Variants in SCUBE1 observed in about 807,000 individuals in gnomAD.
SCUBE1 encodes signal peptide, CUB domain and EGF like domain containing 1, also known as signal peptide, CUB and EGF-like domain-containing protein 1.
Under a neutral mutation model 124.4 loss-of-function variants are expected in SCUBE1, and 59 were observed. The observed-to-expected ratio is 0.47, with a 90% CI of 0.38 to 0.59. The LOEUF (loss-of-function observed/expected upper bound fraction) is 0.59, where lower values mean the gene tolerates loss of function less well. Among genes scored for constraint, SCUBE1 ranks in the 20% least tolerant of loss-of-function variants. SCUBE1 has a pLI of 0.00. For missense variants in SCUBE1, 1,150 were observed against 1,371.2 expected (o/e 0.84, Z 2.55); for synonymous variants, 545 against 550.9 (o/e 0.99, Z 0.15).
intron 4 of SCUBE1, chr22:43,283,271 G>A (rs2146742157): frequency 6.6e-6 from 1 of 152,336 alleles, no homozygotes; most frequent in Admixed American, 6.5e-5. Context: ...AGACAGCCGT[G>A]GGAGAGGGTC....
intron 3 of SCUBE1, among the ~76,000 whole-genome samples, chr22:43,308,085 C>T (rs536886393): frequency 1.4e-4 from 21 of 152,206 alleles, no homozygotes; most frequent in African/African-American, 4.6e-4. Flanking sequence ...ACCAGTCTGC[C>T]TCCCTACACC....
chr22:43,312,755 C>T (rs1427469506), intron 3 of SCUBE1, among the ~76,000 whole-genome samples: 1 of 152,212 alleles, frequency 6.6e-6, no homozygotes, highest in Admixed American at 6.5e-5. Context: ...CTTCAGCACA[C>T]TCCCTGCCTG....
intron 6 of SCUBE1, among the ~76,000 whole-genome samples, chr22:43,253,988 T>C (rs1008333022): frequency 2.0e-5 from 3 of 152,186 alleles, no homozygotes; most frequent in Non-Finnish European, 4.4e-5. Flanking sequence ...AGAAAGTCCA[T>C]AGCACTGACT....
rs780504527 is a variant in SCUBE1, at chr22:43,320,069, C to T, written c.221-4G>A. The T allele has an allele frequency of 4.3e-6, 7 of 1,613,766 alleles. No homozygotes were observed. Among genetic ancestry groups the T allele is most frequent in the Non-Finnish European group, 5.9e-6 (7 of 1,179,772 alleles). ...TCATTCTCACACTCGTCAATGTCTG[C>T]AAAAGGAAGGGCATGAGAGGTGTCA... On this transcript the variant is annotated splice_polypyrimidine_tract_variant and splice_region_variant and intron_variant, in intron 2 of 21. Coordinates refer to ENST00000360835, the MANE Select transcript of SCUBE1 (RefSeq NM_173050.5).
At chr22:43,324,065 G>A (rs958776548) in intron 2 of SCUBE1, among the ~76,000 whole-genome samples, 92 of 152,172 alleles carry the variant, frequency 6.0e-4, no homozygotes, top group African/African-American at 2.1e-3. Flanking sequence ...TCTGAGAAAC[G>A]TCAGACCTCC....
At chr22:43,238,790 G>C (rs746562678) in intron 7 of SCUBE1, 48 bp downstream of exon 7, 1 of 1,481,502 alleles carries the variant, frequency 6.7e-7, no homozygotes, top group Non-Finnish European at 9.4e-7. Flanking sequence ...GGAGGCTCTT[G>C]GCCAGGCCAG....
At position 43,254,371 on chromosome 22, in the gene SCUBE1, T is replaced by TC. The variant is rs1278262162; in HGVS notation, c.727+3847dup. The stretch of plus-strand genomic sequence containing the variant: ...CTCCTCAGCAGCACACAAGGCCATA[T>TC]CCCCTGTGGCCCTGGACCTCCCTCC... On this transcript the variant is annotated intron_variant, in intron 6 of 21. Coordinates refer to ENST00000360835, the MANE Select transcript of SCUBE1 (RefSeq NM_173050.5). Among the ~76,000 whole-genome samples, 9 of 152,234 alleles carry TC rather than the reference T, an allele frequency of 5.9e-5. No individual in the cohort carries two copies. The East Asian group carries it at 1.7e-3, about 29-fold the overall frequency.
chr22:43,287,977 T>C (rs1443260233), intron 4 of SCUBE1, among the ~76,000 whole-genome samples: 1 of 152,236 alleles, frequency 6.6e-6, no homozygotes, highest in East Asian at 1.9e-4. Flanking sequence ...GTGCTTGCTC[T>C]GCCCTCTTCA....
intron 1 of SCUBE1, among the ~76,000 whole-genome samples, chr22:43,340,684 C>G (rs1001328048): frequency 1.3e-5 from 2 of 152,094 alleles, no homozygotes; most frequent in African/African-American, 4.8e-5. Context: ...CTCACTGGGG[C>G]TGAGACTGGA....
intron 4 of SCUBE1, among the ~76,000 whole-genome samples, chr22:43,286,053 T>G (rs955578290): frequency 1.3e-5 from 2 of 152,180 alleles, no homozygotes; most frequent in South Asian, 4.1e-4. Context: ...TCCAAGAGCT[T>G]CCAGGTCCTG....
intron 2 of SCUBE1, among the ~76,000 whole-genome samples, chr22:43,328,513 G>A (rs1399699564): frequency 6.6e-6 from 1 of 152,218 alleles, no homozygotes; most frequent in Admixed American, 6.5e-5. Context: ...GAAGTTGCCT[G>A]AAAACCTGGG....
In SCUBE1 at chr22:43,326,704, G is replaced by C. The variant is rs144509142; in HGVS notation, c.221-6639C>G. On this transcript the variant is annotated intron_variant, in intron 2 of 21. Coordinates refer to ENST00000360835, the MANE Select transcript of SCUBE1 (RefSeq NM_173050.5). ...CCATGGCTCAGCCAGAGGGTGGGAAGGTTCCCTCCCCTTTCCCACTCTGTG... is the reference window on the plus strand; with the variant it reads ...CCATGGCTCAGCCAGAGGGTGGGAACGTTCCCTCCCCTTTCCCACTCTGTG... Among the ~76,000 whole-genome samples the C allele has an allele frequency of 5.8e-3, 887 of 152,202 alleles. 5 individuals carry two copies. Among genetic ancestry groups the C allele is most frequent in the African/African-American group, 0.021 (858 of 41,530 alleles).
chr22:43,199,380 G>C lies in SCUBE1; in HGVS notation c.*4617C>G, dbSNP rs1404598980. 6.6e-6 allele frequency: 1 copy of C among 151,858 alleles called. No homozygotes were observed. The highest frequency in any genetic ancestry group is 1.5e-5 in the Non-Finnish European group (1 of 68,402). 9.4% of individuals were successfully genotyped at this position (151,858 alleles called of 1,614,324 possible). A position where few individuals can be genotyped will look rare whatever the true frequency, so the allele number is the denominator to read the frequency against. On this transcript the variant is annotated 3_prime_UTR_variant, in exon 22 of 22. Transcript: ENST00000360835. ...TGCGGATGGTGCGTCTCTTAAGAAC[G>C]AGCGTGCATGAAAAGGGGGGCCATT... is the stretch of plus-strand genomic sequence containing the variant.
rs3985926 is a variant in SCUBE1, at chr22:43,292,556, AACACACACACACAC to A, written c.350-1390_350-1377del. 4.5e-4 allele frequency among the ~76,000 whole-genome samples: 63 copies of A among 139,678 alleles called. 1 individual carries two copies. The highest frequency in any genetic ancestry group is 1.7e-3 in the African/African-American group (61 of 36,768). 91.6% of individuals were successfully genotyped at this position (139,678 alleles called of 152,430 possible). A position where few individuals can be genotyped will look rare whatever the true frequency, so the allele number is the denominator to read the frequency against. ...TGCTTCTAGCCAATCCCCGGTCCCT[AACACACACACACAC>A]ACACACACACACACACACACACACA... On this transcript the variant is annotated intron_variant, in intron 3 of 21. Transcript: ENST00000360835.
At chr22:43,294,568 A>C (rs1192845050) in intron 3 of SCUBE1, among the ~76,000 whole-genome samples, 1 of 152,196 alleles carries the variant, frequency 6.6e-6, no homozygotes, top group Non-Finnish European at 1.5e-5. Context: ...TCCTCATGGA[A>C]AAGGGGAACC....
At chr22:43,271,851 CTTTG>C (rs1924306151) in intron 4 of SCUBE1, among the ~76,000 whole-genome samples, 1 of 152,176 alleles carries the variant, frequency 6.6e-6, no homozygotes, top group African/African-American at 2.4e-5. Flanking sequence ...ACAGTGGGCT[CTTTG>C]CAAACATTCC....
chr22:43,292,808 A>G (rs1925416001), intron 3 of SCUBE1, among the ~76,000 whole-genome samples: 1 of 152,208 alleles, frequency 6.6e-6, no homozygotes, highest in African/African-American at 2.4e-5. Context: ...TTTGAGGCCG[A>G]CAGCGAGGCC....
intron 6 of SCUBE1, among the ~76,000 whole-genome samples, chr22:43,253,320 T>C (rs1923529854): frequency 1.3e-5 from 2 of 152,210 alleles, no homozygotes; most frequent in Admixed American, 1.3e-4. Context: ...TCACTTGTGC[T>C]CTAGACTTGA....
At chr22:43,260,927 T>C (rs1355701486) in intron 5 of SCUBE1, among the ~76,000 whole-genome samples, 1 of 152,226 alleles carries the variant, frequency 6.6e-6, no homozygotes, top group African/African-American at 2.4e-5. Flanking sequence ...CTCCTTGTAG[T>C]GCTTGTGTCA....
Sources: gnomAD v4.1 joint callset for allele counts (sites outside exome capture counted in the v4.1 genomes callset) on GRCh38, gnomAD v4.1.1 for gene constraint, MANE v1.5 for transcripts, NCBI Gene and HGNC (gene_info 2026-07-23, HGNC 2026-07-21) for gene names.